The following FOXO1 variants were observed in gnomAD, a reference collection of about 807,000 sequenced individuals.
FOXO1 encodes the protein forkhead box protein O1.
A neutral mutation model predicts 44.1 loss-of-function variants in FOXO1; 6 were observed. The ratio of observed to expected loss-of-function variants is 0.14; its 90% confidence interval spans 0.07 to 0.27. FOXO1 has a LOEUF of 0.27. Ranked by LOEUF, FOXO1 falls within the 10% of genes least tolerant of loss-of-function variation. FOXO1 has a pLI of 1.00. For missense variants in FOXO1, 737 were observed against 888.8 expected, an observed-to-expected ratio of 0.83 and a Z score of 2.17; for synonymous variants, 380 against 362.7, an observed-to-expected ratio of 1.05 and a Z score of -0.54.
At chr13:40,657,926 CTG>C (rs1442481780) in intron 1 of FOXO1, among the ~76,000 whole-genome samples, 1 of 152,172 alleles carries the variant, frequency 6.6e-6, no homozygotes, top group Non-Finnish European at 1.5e-5. Context: ...ATGATACAGA[CTG>C]TGATATTCTC....
chr13:40,666,569 C>T lies in FOXO1; in HGVS notation c.-357G>A. ...GCTCTCCCCAGCGGCGCGCCCGCTG[C>T]GCTGCTGCCTGTTGAATGTGGCGGC... On this transcript the variant is annotated 5_prime_UTR_variant, in exon 1 of 3. Transcript: ENST00000379561. 8.8e-6 allele frequency: 2 copies of T among 227,966 alleles called. No individual in the cohort carries two copies. The highest frequency in any genetic ancestry group is 2.2e-5 in the African/African-American group (1 of 44,880). 14.1% of individuals were successfully genotyped at this position (227,966 alleles called of 1,614,324 possible). A position where few individuals can be genotyped will look rare whatever the true frequency, so the allele number is the denominator to read the frequency against.
intron 1 of FOXO1, among the ~76,000 whole-genome samples, chr13:40,570,351 G>A (rs1874439664): frequency 1.3e-5 from 2 of 151,860 alleles, no homozygotes; most frequent in South Asian, 4.2e-4. Context: ...ACCCCTAAGA[G>A]GTGAGGAGGT....
intron 1 of FOXO1, chr13:40,619,046 G>T: frequency 2.1e-6 from 1 of 476,434 alleles, no homozygotes; most frequent in East Asian, 5.5e-5. Context: ...CAGCACTTTG[G>T]GAGGCTGAGT....
intron 1 of FOXO1, among the ~76,000 whole-genome samples, chr13:40,608,926 G>A (rs1011098318): frequency 2.6e-5 from 4 of 152,144 alleles, no homozygotes; most frequent in African/African-American, 9.7e-5. Context: ...TGGGAAGGGG[G>A]TACGTGTATC....
intron 1 of FOXO1, among the ~76,000 whole-genome samples, chr13:40,616,687 G>C (rs561437273): frequency 1.3e-5 from 2 of 152,208 alleles, no homozygotes; most frequent in Non-Finnish European, 2.9e-5. Flanking sequence ...ACAAGAGGGA[G>C]ACGAAGTTGT....
chr13:40,652,343 C>A (rs957860643), intron 1 of FOXO1, among the ~76,000 whole-genome samples: 1 of 144,696 alleles, frequency 6.9e-6, no homozygotes, highest in Admixed American at 7.1e-5. Context: ...TGGAGTGTAG[C>A]GGCAAGATCT....
At chr13:40,634,992 AAAAC>A (rs1466265420) in intron 1 of FOXO1, among the ~76,000 whole-genome samples, 2 of 152,134 alleles carry the variant, frequency 1.3e-5, no homozygotes. Flanking sequence ...TTTTAAAAAC[AAAAC>A]AAACAACCCT....
intron 1 of FOXO1, among the ~76,000 whole-genome samples, chr13:40,663,589 A>C (rs1176361032): frequency 2.0e-5 from 3 of 152,220 alleles, no homozygotes; most frequent in African/African-American, 4.8e-5. Flanking sequence ...ATGAGCAAGT[A>C]AGTCAAGTAC....
chr13:40,566,822 C>T (rs1268529145), intron 1 of FOXO1, among the ~76,000 whole-genome samples: 1 of 152,070 alleles, frequency 6.6e-6, no homozygotes, highest in Non-Finnish European at 1.5e-5. Context: ...CATTTACAGA[C>T]CACTAGTCAG....
At chr13:40,581,773 A>T (rs17061432) in intron 1 of FOXO1, among the ~76,000 whole-genome samples, 1,537 of 152,312 alleles carry the variant, frequency 0.01, 32 homozygotes, top group African/African-American at 0.034. Context: ...CATCTCAAAA[A>T]TATCATGCTG....
At chr13:40,631,402 G>T (rs1876958465) in intron 1 of FOXO1, among the ~76,000 whole-genome samples, 1 of 152,094 alleles carries the variant, frequency 6.6e-6, no homozygotes, top group Admixed American at 6.5e-5. Flanking sequence ...ATTAGGCAAT[G>T]GTTTCTTAGA....
chr13:40,629,117 T>C (rs1025708854), intron 1 of FOXO1, among the ~76,000 whole-genome samples: 12 of 151,644 alleles, frequency 7.9e-5, no homozygotes, highest in Non-Finnish European at 1.8e-4. Flanking sequence ...AACCAACAAA[T>C]GGCAATGAAT....
chr13:40,558,923 T>G lies in FOXO1; in HGVS notation c.*126A>C, dbSNP rs957916800. On this transcript the variant is annotated 3_prime_UTR_variant, in exon 3 of 3. Coordinates refer to ENST00000379561, the MANE Select transcript of FOXO1 (RefSeq NM_002015.4). The stretch of plus-strand genomic sequence containing the variant: ...GAAAGGAAAAAAGGAGGGTTTTTTT[T>G]TTTGTTTTTTTTTTTAACCAAGAAA... The G allele has an allele frequency of 5.8e-5, 21 of 364,228 alleles. No individual in the cohort carries two copies. Among genetic ancestry groups the G allele is most frequent in the Admixed American group, 5.3e-5 (1 of 18,996 alleles). The allele number at this position is 364,228 out of a possible 1,614,324, so 22.6% of individuals were successfully genotyped here.
At chr13:40,569,281 G>A (rs1442344108) in intron 1 of FOXO1, among the ~76,000 whole-genome samples, 1 of 152,222 alleles carries the variant, frequency 6.6e-6, no homozygotes, top group Admixed American at 6.5e-5. Flanking sequence ...TGGAGGCAGA[G>A]TTACTGCTGG....
At chr13:40,573,334 G>A (rs902148893) in intron 1 of FOXO1, among the ~76,000 whole-genome samples, 1 of 152,122 alleles carries the variant, frequency 6.6e-6, no homozygotes, top group Admixed American at 6.5e-5. Context: ...AAGCAAGCCA[G>A]CCCAGGAAGA....
chr13:40,561,245 G>C (rs533352600), intron 1 of FOXO1, among the ~76,000 whole-genome samples: 1 of 151,636 alleles, frequency 6.6e-6, no homozygotes, highest in East Asian at 2.0e-4. Flanking sequence ...CCAGCTACTC[G>C]GGAGGCTGGG....
chr13:40,659,314 C>CAAA (rs1210028542), intron 1 of FOXO1, among the ~76,000 whole-genome samples: 7,931 of 87,292 alleles, frequency 0.091, 523 homozygotes, highest in East Asian at 0.33. Flanking sequence ...GACTCCGTCT[C>CAAA]AAAAAAAAAA....
chr13:40,623,232 T>G (rs1876675080), intron 1 of FOXO1, among the ~76,000 whole-genome samples: 1 of 152,176 alleles, frequency 6.6e-6, no homozygotes, highest in Non-Finnish European at 1.5e-5. Flanking sequence ...CATAAAACAT[T>G]TATCCCTTGG....
At chr13:40,620,900 G>A (rs1462460244) in intron 1 of FOXO1, among the ~76,000 whole-genome samples, 1 of 150,038 alleles carries the variant, frequency 6.7e-6, no homozygotes, top group Non-Finnish European at 1.5e-5. Context: ...CCGGGTTCAA[G>A]CTATTCTCCC....
Sources: allele counts gnomAD v4.1 joint callset (sites outside exome capture counted in the v4.1 genomes callset), GRCh38; gene constraint gnomAD v4.1.1; transcripts MANE v1.5; gene names NCBI Gene and HGNC (gene_info 2026-07-23, HGNC 2026-07-21).